Variants in IMMP2L observed in about 807,000 individuals in gnomAD.
IMMP2L encodes the protein inner mitochondrial membrane peptidase subunit 2, also known as mitochondrial inner membrane protease subunit 2.
A neutral mutation model predicts 19.3 loss-of-function variants in IMMP2L; 18 were observed. That is an observed-to-expected ratio of 0.93 (90% CI 0.64 to 1.38). The LOEUF is 1.38. IMMP2L is among the 40% of genes most tolerant of loss of function. IMMP2L has a pLI of 0.00. For missense variants in IMMP2L, 233 were observed against 218.2 expected, an observed-to-expected ratio of 1.07 and a Z score of -0.43; for synonymous variants, 76 against 73.0, an observed-to-expected ratio of 1.04 and a Z score of -0.21.
At chr7:111,539,151 G>A (rs1391974999) in intron 1 of IMMP2L, among the ~76,000 whole-genome samples, 1 of 41,096 alleles carries the variant, frequency 2.4e-5, no homozygotes, top group Non-Finnish European at 4.5e-5. Flanking sequence ...AAGGAAGGAA[G>A]GAAGGAAGGA....
At chr7:110,826,481 T>C (rs1382497001) in intron 5 of IMMP2L, among the ~76,000 whole-genome samples, 1 of 152,106 alleles carries the variant, frequency 6.6e-6, no homozygotes, top group African/African-American at 2.4e-5. Context: ...ATGTGGCACA[T>C]ATACACCATG....
At chr7:111,343,171 C>T (rs1419927924) in intron 3 of IMMP2L, among the ~76,000 whole-genome samples, 9 of 152,080 alleles carry the variant, frequency 5.9e-5, no homozygotes, top group Non-Finnish European at 1.2e-4. Flanking sequence ...ACTACAATTA[C>T]AAGGATCTTT....
At chr7:110,947,377 C>T (rs138042620) in intron 4 of IMMP2L, among the ~76,000 whole-genome samples, 6 of 152,238 alleles carry the variant, frequency 3.9e-5, no homozygotes, top group Admixed American at 2.6e-4. Context: ...AGCTAGGAGT[C>T]ATTTCAATTA....
intron 4 of IMMP2L, among the ~76,000 whole-genome samples, chr7:110,915,908 G>A (rs1040553679): frequency 2.6e-5 from 4 of 152,174 alleles, no homozygotes; most frequent in African/African-American, 9.7e-5. Flanking sequence ...CATCTCCTGA[G>A]ACATCCTATC....
At chr7:111,253,854 G>A (rs1475374365) in intron 3 of IMMP2L, among the ~76,000 whole-genome samples, 1 of 152,136 alleles carries the variant, frequency 6.6e-6, no homozygotes, top group Non-Finnish European at 1.5e-5. Context: ...ACCATGGCCA[G>A]GAAGAGGTGT....
At chr7:111,224,137 A>G (rs1812828111) in intron 3 of IMMP2L, among the ~76,000 whole-genome samples, 1 of 152,042 alleles carries the variant, frequency 6.6e-6, no homozygotes, top group Admixed American at 6.6e-5. Context: ...GGAGATAATG[A>G]CACTGCCCTG....
At chr7:110,733,768 C>A (rs1796434546) in intron 5 of IMMP2L, among the ~76,000 whole-genome samples, 1 of 151,956 alleles carries the variant, frequency 6.6e-6, no homozygotes, top group African/African-American at 2.4e-5. Context: ...ATGGGCCAAA[C>A]AAGGCTGTTT....
At chr7:110,777,619 T>A (rs1157795802) in intron 5 of IMMP2L, among the ~76,000 whole-genome samples, 1 of 152,010 alleles carries the variant, frequency 6.6e-6, no homozygotes, top group Non-Finnish European at 1.5e-5. Flanking sequence ...ATGTCTTATG[T>A]TATATAAGCT....
chr7:110,779,850 A>G (rs1249014020), intron 5 of IMMP2L, among the ~76,000 whole-genome samples: 2 of 151,810 alleles, frequency 1.3e-5, no homozygotes, highest in Non-Finnish European at 2.9e-5. Context: ...TAGTAAGGAA[A>G]ATACAGGAGT....
intron 5 of IMMP2L, among the ~76,000 whole-genome samples, chr7:110,675,332 G>C (rs976495143): frequency 1.3e-5 from 2 of 152,008 alleles, no homozygotes; most frequent in African/African-American, 4.8e-5. Flanking sequence ...TGAACAAAAT[G>C]AGCACAGTAG....
intron 3 of IMMP2L, among the ~76,000 whole-genome samples, chr7:111,292,236 T>G (rs1821190145): frequency 1.3e-5 from 2 of 152,156 alleles, no homozygotes; most frequent in Admixed American, 1.3e-4. Flanking sequence ...TCCTTTAGAC[T>G]TTCATCACAT....
intron 2 of IMMP2L, among the ~76,000 whole-genome samples, chr7:111,493,772 C>A (rs867336048): frequency 6.8e-6 from 1 of 147,474 alleles, no homozygotes; most frequent in Non-Finnish European, 1.5e-5. Flanking sequence ...CTTTGGGAGG[C>A]CGAGGCAGGC....
At chr7:111,390,804 C>T (rs1271982905) in intron 3 of IMMP2L, 1 of 152,082 alleles carries the variant, frequency 6.6e-6, no homozygotes, top group Non-Finnish European at 1.5e-5. Flanking sequence ...AATTATGGAA[C>T]TGCAGTGGGG....
chr7:111,388,251 G>A (rs1831984899), intron 3 of IMMP2L, among the ~76,000 whole-genome samples: 1 of 151,912 alleles, frequency 6.6e-6, no homozygotes, highest in Admixed American at 6.6e-5. Context: ...AGTGGGTTGA[G>A]GTCAAGGAGA....
chr7:110,854,596 C>A (rs7782308), intron 5 of IMMP2L, among the ~76,000 whole-genome samples: 1 of 151,816 alleles, frequency 6.6e-6, no homozygotes, highest in African/African-American at 2.4e-5. Flanking sequence ...GTCAATCTAG[C>A]CAGATGAAAT....
chr7:111,536,751 A>G (rs945446632), intron 1 of IMMP2L, among the ~76,000 whole-genome samples: 5 of 152,146 alleles, frequency 3.3e-5, no homozygotes, highest in African/African-American at 1.2e-4. Context: ...CATTGAGATG[A>G]GTTAAAGCTT....
chr7:111,386,841 T>C (rs1831807192), intron 3 of IMMP2L, among the ~76,000 whole-genome samples: 1 of 152,156 alleles, frequency 6.6e-6, no homozygotes. Context: ...AACTATTAGC[T>C]GACAAGCAAT....
chr7:111,361,965 A>G (rs1260299524), intron 3 of IMMP2L, among the ~76,000 whole-genome samples: 1 of 152,114 alleles, frequency 6.6e-6, no homozygotes, highest in Non-Finnish European at 1.5e-5. Flanking sequence ...TACACAACAT[A>G]CATTTTCAGT....
intron 3 of IMMP2L, among the ~76,000 whole-genome samples, chr7:111,034,070 T>A (rs1416214652): frequency 1.3e-5 from 2 of 152,134 alleles, no homozygotes; most frequent in African/African-American, 4.8e-5. Context: ...TATGTTGAAT[T>A]TTTTATAATA....
Sources: gnomAD v4.1 joint callset for allele counts (sites outside exome capture counted in the v4.1 genomes callset) on GRCh38, gnomAD v4.1.1 for gene constraint, MANE v1.5 for transcripts, NCBI Gene and HGNC (gene_info 2026-07-23, HGNC 2026-07-21) for gene names.